SRGAP1: variants seen among roughly 807,000 people sequenced by gnomAD.
The protein encoded by SRGAP1 is SLIT-ROBO Rho GTPase-activating protein 1.
A neutral mutation model predicts 121.9 loss-of-function variants in SRGAP1; 43 were observed. The observed-to-expected ratio is 0.35, with a 90% CI of 0.28 to 0.46. The LOEUF (loss-of-function observed/expected upper bound fraction) is 0.46. SRGAP1 is among the 20% of genes least tolerant of loss of function. The pLI, the probability that SRGAP1 is intolerant of heterozygous loss-of-function variation, is 1.00. For synonymous variants in SRGAP1, 447 were observed against 485.4 expected, an observed-to-expected ratio of 0.92 and a Z score of 1.04; for missense variants, 1,102 against 1,350.9, an observed-to-expected ratio of 0.82 and a Z score of 2.89.
At chr12:64,063,657 C>CA (rs35938870) in intron 7 of SRGAP1, among the ~76,000 whole-genome samples, 28,119 of 150,924 alleles carry the variant, frequency 0.19, 3,227 homozygotes, top group East Asian at 0.56. Flanking sequence ...GTTATTTTAC[C>CA]AAAAAAAATG....
At chr12:63,946,086 A>G (rs2032037073) in intron 1 of SRGAP1, among the ~76,000 whole-genome samples, 2 of 152,186 alleles carry the variant, frequency 1.3e-5, no homozygotes, top group African/African-American at 2.4e-5. Flanking sequence ...GACAATATTC[A>G]GCTTATTCAA....
intron 3 of SRGAP1, 69 bp downstream of exon 3, chr12:63,990,141 C>T (rs927931529): frequency 3.9e-5 from 49 of 1,269,884 alleles, no homozygotes; most frequent in Middle Eastern, 4.7e-4. Flanking sequence ...GGACTGAGAA[C>T]GGTATCTGAA....
intron 1 of SRGAP1, among the ~76,000 whole-genome samples, chr12:63,951,984 A>C (rs1240856780): frequency 3.3e-5 from 5 of 152,094 alleles, no homozygotes; most frequent in Admixed American, 3.3e-4. Flanking sequence ...CCAATTTTTA[A>C]AATATGTAAT....
At chr12:64,081,123 G>A (rs1593109211) in intron 10 of SRGAP1, 1 of 152,264 alleles carries the variant, frequency 6.6e-6, no homozygotes, top group African/African-American at 2.4e-5. Context: ...ATAAATACAA[G>A]CCAAGTTCCT....
At chr12:63,865,499 C>T (rs1899597499) in intron 1 of SRGAP1, among the ~76,000 whole-genome samples, 1 of 152,084 alleles carries the variant, frequency 6.6e-6, no homozygotes, top group Non-Finnish European at 1.5e-5. Context: ...AAAATCTGTG[C>T]TTTGTGATTC....
intron 1 of SRGAP1, among the ~76,000 whole-genome samples, chr12:63,880,055 T>G (rs950409727): frequency 6.6e-6 from 1 of 152,140 alleles, no homozygotes; most frequent in Non-Finnish European, 1.5e-5. Flanking sequence ...GGCAGGTTTT[T>G]CCATGCTGTT....
chr12:63,937,603 G>A (rs933863198), intron 1 of SRGAP1, among the ~76,000 whole-genome samples: 1 of 152,152 alleles, frequency 6.6e-6, no homozygotes, highest in African/African-American at 2.4e-5. Context: ...TTCAAAGACT[G>A]ATCTCCCTTA....
At chr12:63,969,228 A>G (rs974558781) in intron 1 of SRGAP1, among the ~76,000 whole-genome samples, 5 of 152,112 alleles carry the variant, frequency 3.3e-5, no homozygotes, top group Non-Finnish European at 1.5e-5. Context: ...CTACCTTAGA[A>G]TTAGGGAACT....
At chr12:63,900,204 C>CTTTTTTTTTTTT (rs67622101) in intron 1 of SRGAP1, among the ~76,000 whole-genome samples, 1 of 87,524 alleles carries the variant, frequency 1.1e-5, no homozygotes, top group African/African-American at 4.0e-5. Flanking sequence ...TTTTCTTTTT[C>CTTTTTTTTTTTT]TTTTTTTTTT....
Position 63,868,362 on chromosome 12 carries a change from C to T in SRGAP1, c.67+23479C>T, listed in dbSNP as rs539301757. Among the ~76,000 whole-genome samples the T allele has an allele frequency of 8.3e-4, 126 of 151,998 alleles. 1 individual carries two copies. The highest frequency in any genetic ancestry group is 1.5e-3 in the Non-Finnish European group (103 of 67,972). On this transcript the variant is annotated intron_variant, in intron 1 of 21. Coordinates refer to ENST00000355086, the MANE Select transcript of SRGAP1 (RefSeq NM_020762.4). Reference sequence around the variant, plus strand: ...CCTCCCAAAGTGTTGGGCTTACAGGCGTGAGCCACCGCGCCTGGCTGTCTA... The same window carrying T: ...CCTCCCAAAGTGTTGGGCTTACAGGTGTGAGCCACCGCGCCTGGCTGTCTA...
At chr12:64,076,538 A>C (rs1219000208) in intron 8 of SRGAP1, among the ~76,000 whole-genome samples, 1 of 152,208 alleles carries the variant, frequency 6.6e-6, no homozygotes, top group Non-Finnish European at 1.5e-5. Flanking sequence ...CAGAAGAAAT[A>C]ATAAAAACGC....
intron 1 of SRGAP1, among the ~76,000 whole-genome samples, chr12:63,954,910 A>G (rs1188554066): frequency 6.6e-6 from 1 of 152,144 alleles, no homozygotes; most frequent in Non-Finnish European, 1.5e-5. Context: ...GATGTATGCA[A>G]AGTGTCCCAA....
At chr12:64,002,119 A>C (rs1038091313) in intron 3 of SRGAP1, among the ~76,000 whole-genome samples, 7 of 152,240 alleles carry the variant, frequency 4.6e-5, no homozygotes, top group Non-Finnish European at 7.3e-5. Flanking sequence ...CATTGGACTT[A>C]CATAAACATG....
At chr12:63,902,074 G>A (rs1565943000) in intron 1 of SRGAP1, among the ~76,000 whole-genome samples, 3 of 152,288 alleles carry the variant, frequency 2.0e-5, no homozygotes, top group South Asian at 2.1e-4. Flanking sequence ...CAGTACTTTG[G>A]GAGGCTGAGG....
intron 1 of SRGAP1, among the ~76,000 whole-genome samples, chr12:63,969,711 G>A (rs949819848): frequency 9.2e-5 from 14 of 151,866 alleles, no homozygotes; most frequent in African/African-American, 2.2e-4. Flanking sequence ...GGAGAATGGC[G>A]TGAACCCGGG....
chr12:64,093,460 T>G (rs1593120627), intron 12 of SRGAP1, among the ~76,000 whole-genome samples: 1 of 152,298 alleles, frequency 6.6e-6, no homozygotes, highest in Non-Finnish European at 1.5e-5. Flanking sequence ...TTCTTTGCTT[T>G]TCTTTTTAAT....
chr12:64,033,080 G>A (rs2034818891), intron 4 of SRGAP1, among the ~76,000 whole-genome samples: 2 of 152,014 alleles, frequency 1.3e-5, no homozygotes, highest in South Asian at 4.2e-4. Context: ...ACACTACAGT[G>A]AACAGAAGCT....
At chr12:63,977,367 A>G (rs1027890883) in intron 1 of SRGAP1, among the ~76,000 whole-genome samples, 2 of 152,232 alleles carry the variant, frequency 1.3e-5, no homozygotes, top group Non-Finnish European at 2.9e-5. Context: ...AATAACAGAG[A>G]TGATTTGTGA....
At chr12:64,142,266 T>C in intron 21 of SRGAP1, 29 bp from the exon 22 acceptor site, 1 of 1,602,718 alleles carries the variant, frequency 6.2e-7, no homozygotes. Context: ...CAGTCTGTGC[T>C]TTCTCTCTTT....
Sources: gnomAD v4.1 joint callset for allele counts (sites outside exome capture counted in the v4.1 genomes callset) on GRCh38, gnomAD v4.1.1 for gene constraint, MANE v1.5 for transcripts, NCBI Gene and HGNC (gene_info 2026-07-23, HGNC 2026-07-21) for gene names.